The following SHISAL1 variants were observed in gnomAD, a reference collection of about 807,000 sequenced individuals.
SHISAL1 encodes shisa like 1, also known as protein shisa-like-1.
A neutral mutation model predicts 22.6 loss-of-function variants in SHISAL1; 9 were observed. The ratio of observed to expected loss-of-function variants is 0.40; its 90% CI spans 0.24 to 0.70. The LOEUF (loss-of-function observed/expected upper bound fraction) is 0.70. Ranked by LOEUF, SHISAL1 falls within the 30% of genes least tolerant of loss-of-function variation. The pLI, the probability that SHISAL1 is intolerant of heterozygous loss-of-function variation, is 0.39. For missense variants in SHISAL1, 246 were observed against 270.6 expected (o/e 0.91, Z 0.64); for synonymous variants, 119 against 115.4 (o/e 1.03, Z -0.20).
chr22:44,294,229 G>T (rs192234386), intron 3 of SHISAL1, among the ~76,000 whole-genome samples: 2 of 152,334 alleles, frequency 1.3e-5, no homozygotes, highest in African/African-American at 2.4e-5. Context: ...TTCACACACA[G>T]AATTATTCTA....
intron 1 of SHISAL1, among the ~76,000 whole-genome samples, chr22:44,303,340 C>T (rs77597448): frequency 0.022 from 3,272 of 152,120 alleles, 48 homozygotes; most frequent in Non-Finnish European, 0.031. Context: ...AGGGTCATCA[C>T]GGAGGTCATT....
the SHISAL1 span, among the ~76,000 whole-genome samples, chr22:44,319,604 C>G: frequency 6.6e-6 from 1 of 152,234 alleles, no homozygotes; most frequent in Non-Finnish European, 1.5e-5. Flanking sequence ...GACCCCGCCC[C>G]TGGGTGAAAT....
At chr22:44,308,829 C>A (rs961722252) in intron 1 of SHISAL1, among the ~76,000 whole-genome samples, 2 of 152,208 alleles carry the variant, frequency 1.3e-5, no homozygotes, top group Non-Finnish European at 2.9e-5. Context: ...ACAGGGGCCA[C>A]GCTCGGGCCT....
chr22:44,251,371 C>T (rs2055046317), intron 4 of SHISAL1, among the ~76,000 whole-genome samples: 1 of 152,134 alleles, frequency 6.6e-6, no homozygotes, highest in African/African-American at 2.4e-5. Context: ...CCCATGACCC[C>T]TTCTTAAAAA....
At chr22:44,271,828 G>A (rs1267178862) in intron 4 of SHISAL1, among the ~76,000 whole-genome samples, 2 of 152,180 alleles carry the variant, frequency 1.3e-5, no homozygotes, top group Non-Finnish European at 2.9e-5. Context: ...CAGCCCGGAG[G>A]GTGATTATGT....
At chr22:44,327,240 G>GCACACACA in the SHISAL1 span, among the ~76,000 whole-genome samples, 47 of 145,014 alleles carry the variant, frequency 3.2e-4, no homozygotes, top group South Asian at 4.5e-4. Context: ...TGGGGGGCGC[G>GCACACACA]CACACACACA....
At chr22:44,277,459 A>C (rs1490695257) in intron 4 of SHISAL1, among the ~76,000 whole-genome samples, 1 of 140,580 alleles carries the variant, frequency 7.1e-6, no homozygotes, top group Non-Finnish European at 1.5e-5. Context: ...CAAACAAAAC[A>C]AAACAAAACA....
At chr22:44,314,372 T>C (rs2055544068), upstream of SHISAL1, among the ~76,000 whole-genome samples, 1 of 152,192 alleles carries the variant, frequency 6.6e-6, no homozygotes, top group Non-Finnish European at 1.5e-5. Context: ...ATCCTGGGCA[T>C]GTTTCTCTGT....
At chr22:44,288,513 C>T (rs554312052) in intron 3 of SHISAL1, among the ~76,000 whole-genome samples, 2 of 151,872 alleles carry the variant, frequency 1.3e-5, no homozygotes, top group Non-Finnish European at 2.9e-5. Context: ...TGGTGGCGGG[C>T]GCCTGTAATC....
At chr22:44,325,247 G>GAA in the SHISAL1 span, among the ~76,000 whole-genome samples, 328 of 126,712 alleles carry the variant, frequency 2.6e-3, 2 homozygotes, top group African/African-American at 8.1e-3. Flanking sequence ...CGTCTCAAAA[G>GAA]AAAAAAAAAA....
rs1230753058 is a variant in SHISAL1 at position 44,243,838 on chromosome 22, G to A, written c.*5847C>T. The A allele has an allele frequency of 6.6e-6, 1 of 152,166 alleles. No homozygotes were observed. The highest frequency in any genetic ancestry group is 1.5e-5 in the Non-Finnish European group (1 of 68,034). 9.4% of individuals were successfully genotyped at this position (152,166 alleles called of 1,614,324 possible). On this transcript the variant is annotated 3_prime_UTR_variant, in exon 5 of 5. Transcript: ENST00000381176. ...TTGGTTTTGGTTTTCCCGGTTATCAGCTCTCAGGGAGACCCCATGCCTGCT... is the reference window on the plus strand; with the variant it reads ...TTGGTTTTGGTTTTCCCGGTTATCAACTCTCAGGGAGACCCCATGCCTGCT...
chr22:44,304,662 C>T (rs919368077), intron 1 of SHISAL1, among the ~76,000 whole-genome samples: 6 of 152,168 alleles, frequency 3.9e-5, no homozygotes, highest in Non-Finnish European at 5.9e-5. Context: ...GAGGATAAGC[C>T]GAGGTCAAGC....
intron 2 of SHISAL1, among the ~76,000 whole-genome samples, chr22:44,297,752 G>A (rs186155791): frequency 1.3e-5 from 2 of 152,370 alleles, no homozygotes; most frequent in East Asian, 1.9e-4. Flanking sequence ...CCTAAAGCCC[G>A]CTCTCTCAGG....
chr22:44,316,890 G>A (rs982197028), upstream of SHISAL1, among the ~76,000 whole-genome samples: 7 of 152,234 alleles, frequency 4.6e-5, no homozygotes, highest in South Asian at 1.0e-3. Context: ...GGGGGTTGCT[G>A]CCTAGAGAGT....
chr22:44,289,007 GAC>G (rs1393954755), intron 3 of SHISAL1, among the ~76,000 whole-genome samples: 4 of 152,210 alleles, frequency 2.6e-5, no homozygotes, highest in Non-Finnish European at 5.9e-5. Flanking sequence ...AACACATACT[GAC>G]AGCTGAGAAT....
At chr22:44,278,554 G>C (rs2055255325) in intron 4 of SHISAL1, among the ~76,000 whole-genome samples, 1 of 152,226 alleles carries the variant, frequency 6.6e-6, no homozygotes, top group Non-Finnish European at 1.5e-5. Context: ...AAAAAGAATA[G>C]CAACATGACC....
intron 4 of SHISAL1, among the ~76,000 whole-genome samples, chr22:44,264,437 CAG>C (rs1389880942): frequency 6.6e-6 from 1 of 152,162 alleles, no homozygotes; most frequent in African/African-American, 2.4e-5. Context: ...GAATAAATGA[CAG>C]AGAGCAGGTG....
intron 3 of SHISAL1, among the ~76,000 whole-genome samples, chr22:44,293,469 T>C (rs1437130443): frequency 1.3e-5 from 2 of 152,110 alleles, no homozygotes. Context: ...CGACTAAACA[T>C]CCCACAATGC....
chr22:44,317,209 C>T (rs946537854), upstream of SHISAL1, among the ~76,000 whole-genome samples: 9 of 152,172 alleles, frequency 5.9e-5, no homozygotes, highest in Non-Finnish European at 8.8e-5. Flanking sequence ...AGCTGCTGGG[C>T]GGGTGCGATT....
Sources: allele counts gnomAD v4.1 joint callset (sites outside exome capture counted in the v4.1 genomes callset), GRCh38; gene constraint gnomAD v4.1.1; transcripts MANE v1.5; gene names NCBI Gene and HGNC (gene_info 2026-07-23, HGNC 2026-07-21).